Variants in DPP6 observed in about 807,000 individuals in gnomAD.
The protein encoded by DPP6 is A-type potassium channel modulatory protein DPP6.
DPP6 carries 69 observed loss-of-function variants against 122.6 expected under a neutral mutation model. The ratio of observed to expected loss-of-function variants is 0.56; its 90% CI spans 0.46 to 0.69. The LOEUF is 0.69. DPP6 is among the 30% of genes least tolerant of loss of function. The pLI is 0.00. For missense variants in DPP6, 928 were observed against 1,116.9 expected (o/e 0.83, Z 2.41); for synonymous variants, 418 against 433.1 (o/e 0.97, Z 0.43).
At chr7:153,948,767 G>A (rs1860218) in intron 1 of DPP6, among the ~76,000 whole-genome samples, 111,034 of 145,676 alleles carry the variant, frequency 0.76, 42,951 homozygotes, top group East Asian at 1. Context: ...CCCGAGAACA[G>A]TAACTGCGAG....
chr7:154,422,423 G>A (rs1263647058), intron 1 of DPP6, among the ~76,000 whole-genome samples: 2 of 152,068 alleles, frequency 1.3e-5, no homozygotes, highest in South Asian at 2.1e-4. Flanking sequence ...TTTTATTACA[G>A]GTAAAAGCAA....
At chr7:153,782,029 C>T in the DPP6 span, among the ~76,000 whole-genome samples, 2 of 140,580 alleles carry the variant, frequency 1.4e-5, no homozygotes, top group Admixed American at 7.1e-5. Context: ...TTAATATTGA[C>T]TATTCAATCT....
intron 1 of DPP6, among the ~76,000 whole-genome samples, chr7:154,062,338 C>T (rs1380494539): frequency 3.7e-5 from 2 of 53,644 alleles, no homozygotes; most frequent in South Asian, 8.9e-4. Flanking sequence ...GGAGGCACCC[C>T]CCGCGAGGGT....
At chr7:154,061,654 A>C (rs1387821169) in intron 1 of DPP6, among the ~76,000 whole-genome samples, 2 of 139,562 alleles carry the variant, frequency 1.4e-5, no homozygotes, top group Non-Finnish European at 3.1e-5. Context: ...GGGGACTCAG[A>C]GCCAACCCCT....
chr7:154,089,579 T>TG (rs1804660863), intron 1 of DPP6, among the ~76,000 whole-genome samples: 1 of 126,134 alleles, frequency 7.9e-6, no homozygotes, highest in Admixed American at 8.7e-5. Context: ...GCAGGTGACT[T>TG]GCACTAATCA....
At chr7:154,716,194 T>C (rs1448495928) in intron 7 of DPP6, among the ~76,000 whole-genome samples, 1 of 152,190 alleles carries the variant, frequency 6.6e-6, no homozygotes. Flanking sequence ...AATCTGATTT[T>C]CTGGCTCTTC....
At chr7:154,587,946 C>T (rs780683995) in intron 5 of DPP6, 2 of 1,612,922 alleles carry the variant, frequency 1.2e-6, no homozygotes, top group South Asian at 2.2e-5. Flanking sequence ...CCAGGCTTCG[C>T]AGCCATGCAC....
rs374954553 is a variant in DPP6 at position 153,906,732 on chromosome 7, G to A, written c.51+18998G>A. Among the ~76,000 whole-genome samples, 161 of 152,344 alleles carry A rather than the reference G, an allele frequency of 1.1e-3. 1 individual carries two copies. The highest frequency in any genetic ancestry group is 3.4e-3 in the African/African-American group (142 of 41,584). On this transcript the variant is annotated intron_variant, in intron 1 of 25. Transcript: ENST00000404039. Reference sequence around the variant, plus strand: ...CAGCTAGGGTGTGAGGATTACAGGCGTGAGCCATTGCTCCCAACCCCAGTT... The same window carrying A: ...CAGCTAGGGTGTGAGGATTACAGGCATGAGCCATTGCTCCCAACCCCAGTT...
intron 1 of DPP6, among the ~76,000 whole-genome samples, chr7:154,338,739 G>A (rs1223650748): frequency 1.3e-5 from 2 of 152,210 alleles, no homozygotes; most frequent in Non-Finnish European, 2.9e-5. Context: ...CCATTGAATA[G>A]AGGAAAACAA....
intron 6 of DPP6, among the ~76,000 whole-genome samples, chr7:154,656,174 G>C (rs891435957): frequency 1.1e-4 from 16 of 146,252 alleles, no homozygotes; most frequent in African/African-American, 4.1e-4. Flanking sequence ...GAGGGAGGTG[G>C]GGGGAGAGCT....
intron 1 of DPP6, among the ~76,000 whole-genome samples, chr7:154,062,564 AG>A (rs1336054221): frequency 3.9e-4 from 3 of 7,662 alleles, no homozygotes; most frequent in Non-Finnish European, 8.1e-4. Context: ...CCCCCATCGC[AG>A]GGGGGGGAGG....
rs530914127 is a variant in DPP6, at chr7:154,130,101, A to C, written c.243+77038A>C. ...AAGACTCTGTCCCCCCACACACACAAAAAAAAAAGGAAAGAAAAAAAGAAA... is the reference window on the plus strand; with the variant it reads ...AAGACTCTGTCCCCCCACACACACACAAAAAAAAGGAAAGAAAAAAAGAAA... On this transcript the variant is annotated intron_variant, in intron 1 of 25. Transcript: ENST00000377770. Among the ~76,000 whole-genome samples the C allele has an allele frequency of 1.1e-4, 17 of 148,740 alleles. 1 individual carries two copies. In the Middle Eastern group the frequency reaches 0.014, roughly 119 times the overall value.
chr7:154,312,609 C>A (rs1363540533), intron 1 of DPP6, among the ~76,000 whole-genome samples: 1 of 152,158 alleles, frequency 6.6e-6, no homozygotes, highest in African/African-American at 2.4e-5. Context: ...TGTATGTGCG[C>A]CCATGTATGT....
intron 1 of DPP6, among the ~76,000 whole-genome samples, chr7:154,036,019 CTTGTGTGTGTGTGT>C (rs1203862987): frequency 9.4e-5 from 14 of 148,310 alleles, no homozygotes; most frequent in African/African-American, 3.5e-4. Flanking sequence ...CGCGCGCGCG[CTTGTGTGTGTGTGT>C]GTGTGTGTGT....
At chr7:154,768,619 GA>G in intron 8 of DPP6, among the ~76,000 whole-genome samples, 1 of 152,000 alleles carries the variant, frequency 6.6e-6, no homozygotes, top group Admixed American at 6.6e-5. Flanking sequence ...CCAACGTGTT[GA>G]AAAAAACGCT....
chr7:154,709,003 A>T (rs946282368), intron 7 of DPP6, among the ~76,000 whole-genome samples: 1 of 152,074 alleles, frequency 6.6e-6, no homozygotes, highest in African/African-American at 2.4e-5. Context: ...AGCCAAGATC[A>T]TGCCACTGCA....
chr7:154,018,622 T>C lies in DPP6; in HGVS notation c.51+130888T>C, dbSNP rs2533834. 3.9e-5 allele frequency among the ~76,000 whole-genome samples: 6 copies of C among 152,390 alleles called. No homozygotes were observed. In the East Asian group the frequency reaches 9.6e-4, roughly 24 times the overall value. ...CCATGACATTACATAGGAGAGCCTTTCAGGCAGTTCCCATTGCTAAGGGCA... is the reference window on the plus strand; with the variant it reads ...CCATGACATTACATAGGAGAGCCTTCCAGGCAGTTCCCATTGCTAAGGGCA... On this transcript the variant is annotated intron_variant, in intron 1 of 25. Transcript: ENST00000404039.
rs1823335843 is a variant in DPP6, at chr7:154,481,900, G to C, written c.457+6863G>C. Among the ~76,000 whole-genome samples the C allele has an allele frequency of 6.6e-6, 1 of 152,162 alleles. No homozygotes were observed. The highest frequency in any genetic ancestry group is 2.4e-5 in the African/African-American group (1 of 41,432). On this transcript the variant is annotated intron_variant, in intron 3 of 25. Coordinates refer to ENST00000377770, the MANE Select transcript of DPP6 (RefSeq NM_130797.4). This position sits in a 1 kb window ranked among gnomAD's most constrained non-coding sequence, Gnocchi z 4.2. ...TTATTTATGAATGTAAACTCCACAA[G>C]GATGGGACTCGCATCTCTGTTTACT...
At chr7:153,947,364 T>G (rs1801995433) in intron 1 of DPP6, among the ~76,000 whole-genome samples, 1 of 152,192 alleles carries the variant, frequency 6.6e-6, no homozygotes, top group Non-Finnish European at 1.5e-5. Flanking sequence ...GTCTCAGGCC[T>G]GTCTTCTCGG....
Sources: gnomAD v4.1 joint callset for allele counts (sites outside exome capture counted in the v4.1 genomes callset) on GRCh38, gnomAD v4.1.1 for gene constraint, Gnocchi (gnomAD v3.1) non-coding constraint, MANE v1.5 for transcripts, NCBI Gene and HGNC (gene_info 2026-07-23, HGNC 2026-07-21) for gene names.